The following HMOX1 variants were observed in gnomAD, a reference collection of about 807,000 sequenced individuals.
HMOX1 encodes heme oxygenase 1.
A neutral mutation model predicts 27.8 loss-of-function variants in HMOX1; 22 were observed. The observed-to-expected ratio is 0.79, with a 90% CI of 0.57 to 1.13. HMOX1 has a LOEUF of 1.13. HMOX1 is among the 50% of genes most tolerant of loss of function. The pLI is 0.00. For synonymous variants in HMOX1, 153 were observed against 151.6 expected (o/e 1.01, Z -0.07); for missense variants, 379 against 377.7 (o/e 1.00, Z -0.03).
intron 2 of HMOX1, among the ~76,000 whole-genome samples, chr22:35,384,696 A>G (rs1931464854): frequency 1.3e-5 from 2 of 150,562 alleles, no homozygotes; most frequent in Non-Finnish European, 3.0e-5. Flanking sequence ...TTCTCATGTG[A>G]GCGCTAAGTG....
Position 35,386,740 on chromosome 22 carries a change from G to A in HMOX1, c.200G>A (p.Arg67His), listed in dbSNP as rs753863879. ...GTGGCCCTGGAGGAGGAGATTGAGC[G>A]CAACAAGGAGAGCCCAGTCTTCGCC... ...IYVALEEEIE[R>H]NKESPVFAPV... Residue 67 changes from arginine to histidine, a missense_variant, in exon 3 of 5, where the codon CGC becomes CAC. Arg to His is a conservative substitution (Grantham distance 29). Coordinates refer to ENST00000216117, the MANE Select transcript of HMOX1 (RefSeq NM_002133.3). 1.1e-5 allele frequency: 18 copies of A among 1,614,166 alleles called. No individual in the cohort carries two copies. Among genetic ancestry groups the A allele is most frequent in the Middle Eastern group, 1.6e-4 (1 of 6,062 alleles).
At position 35,387,051 on chromosome 22, in the gene HMOX1, A is replaced by G. The variant is rs752149044; in HGVS notation, c.511A>G (p.Asn171Asp). 6.2e-7 allele frequency: 1 copy of G among 1,613,638 alleles called. No homozygotes were observed. Among genetic ancestry groups the G allele is most frequent in the East Asian group, 2.2e-5 (1 of 44,886 alleles). ...GGGCCTGGCCTTCTTCACCTTCCCC[A>G]ACATTGCCAGTGCCACCAAGTTCAA... ...GEGLAFFTFP[N>D]IASATKFKQL... is the part of the protein sequence containing the mutation. Residue 171 changes from asparagine to aspartate, a missense_variant, in exon 3 of 5, where the codon AAC becomes GAC. Asn to Asp is a conservative substitution (Grantham distance 23). Coordinates refer to ENST00000216117, the MANE Select transcript of HMOX1 (RefSeq NM_002133.3).
chr22:35,393,042 G>C (rs1931761662), intron 4 of HMOX1, among the ~76,000 whole-genome samples: 1 of 152,116 alleles, frequency 6.6e-6, no homozygotes, highest in Non-Finnish European at 1.5e-5. Context: ...ACCAGGGATG[G>C]GACTGAACTT....
chr22:35,383,616 C>G (rs976162165), intron 2 of HMOX1, among the ~76,000 whole-genome samples: 3 of 152,196 alleles, frequency 2.0e-5, no homozygotes, highest in African/African-American at 7.2e-5. Context: ...TGAAATCAAC[C>G]AAGACCGATT....
intron 4 of HMOX1, among the ~76,000 whole-genome samples, chr22:35,391,539 G>A (rs1377469739): frequency 2.0e-5 from 3 of 149,052 alleles, no homozygotes; most frequent in Non-Finnish European, 4.4e-5. Context: ...CGCCCGCCTC[G>A]GCCTCCCAAA....
Position 35,383,128 on chromosome 22 carries a change from G to A in HMOX1, c.46G>A (p.Ala16Thr). The stretch of plus-strand genomic sequence containing the variant: ...CAGCATGCCCCAGGATTTGTCAGAG[G>A]CCCTGAAGGAGGCCACCAAGGAGGT... ...PDSMPQDLSE[A>T]LKEATKEVHT... The change falls in exon 2 of 5, where the codon GCC becomes ACC. Residue 16 changes from alanine to threonine, a missense_variant. By Grantham distance (58) the Ala-to-Thr change is moderately conservative. Transcript: ENST00000216117. 8 of 1,613,734 alleles carry A rather than the reference G, an allele frequency of 5.0e-6. No individual in the cohort carries two copies. The highest frequency in any genetic ancestry group is 6.8e-6 in the Non-Finnish European group (8 of 1,179,726).
In HMOX1 at chr22:35,393,716, C is replaced by G; in HGVS notation, c.*118C>G. 2 of 1,194,514 alleles carry G rather than the reference C, an allele frequency of 1.7e-6. No individual in the cohort carries two copies. Among genetic ancestry groups the G allele is most frequent in the Non-Finnish European group, 1.2e-6 (1 of 804,434 alleles). 74.0% of individuals were successfully genotyped at this position (1,194,514 alleles called of 1,614,324 possible). On this transcript the variant is annotated 3_prime_UTR_variant, in exon 5 of 5. Coordinates refer to ENST00000216117, the MANE Select transcript of HMOX1 (RefSeq NM_002133.3). ...TGGGCACTGAAGGCTTTCAGGGCCT[C>G]CAGCCCTCTCACTGTGTCCCTCTCT... is the stretch of plus-strand genomic sequence containing the variant.
Position 35,393,467 on chromosome 22 carries a change from G to C in HMOX1, c.737-1G>C, listed in dbSNP as rs756188683. On this transcript the variant is annotated splice_acceptor_variant, in intron 4 of 4. Transcript: ENST00000216117. LOFTEE classifies it high-confidence loss of function. ...TGACCTTGCCCCATTTTCTCTTTCA[G>C]ATTCTGCCCCCGTGGAGACTCCCAG... The C allele has an allele frequency of 4.3e-6, 7 of 1,614,010 alleles. No individual in the cohort carries two copies. The highest frequency in any genetic ancestry group is 8.5e-7 in the Non-Finnish European group (1 of 1,180,024).
chr22:35,393,647 C>T lies in HMOX1; in HGVS notation c.*49C>T. On this transcript the variant is annotated 3_prime_UTR_variant, in exon 5 of 5. Coordinates refer to ENST00000216117, the MANE Select transcript of HMOX1 (RefSeq NM_002133.3). ...GCCATGAACTTTGTCCGGTGGAAGG[C>T]CTTCTTTCTAGAGAGGGAATTCTCT... 1.2e-6 allele frequency: 2 copies of T among 1,612,024 alleles called. No individual in the cohort carries two copies. Among genetic ancestry groups the T allele is most frequent in the Non-Finnish European group, 1.7e-6 (2 of 1,178,292 alleles).
rs372077518 is a variant in HMOX1, at chr22:35,391,585, C to CATTTTTTTTTTTTTTTTT, written c.736+1622_736+1623insATTTTTTTTTTTTTTTTT. Among the ~76,000 whole-genome samples the CATTTTTTTTTTTTTTTTT allele has an allele frequency of 2.7e-5, 3 of 112,464 alleles. 1 individual carries two copies. The highest frequency in any genetic ancestry group is 8.5e-5 in the African/African-American group (2 of 23,446). The allele number at this position is 112,464 out of a possible 152,430, so 73.8% of individuals were successfully genotyped here. ...TACAGGTGTGAGCCACCGCGCCCGG[C>CATTTTTTTTTTTTTTTTT]CTTTTTTTTTTTTTTTTTTTTTTTT... is the stretch of plus-strand genomic sequence containing the variant. On this transcript the variant is annotated intron_variant, in intron 4 of 4. Transcript: ENST00000216117.
chr22:35,392,249 A>G lies in HMOX1; in HGVS notation c.737-1219A>G, dbSNP rs1327709380. On this transcript the variant is annotated intron_variant, in intron 4 of 4. Transcript: ENST00000216117. ...AAAAAAAAAAAAAAGAAAGAAAAGA[A>G]AAGAAAAAGAATTTCTCAGTTTTAA... 3.3e-5 allele frequency among the ~76,000 whole-genome samples: 5 copies of G among 152,014 alleles called. No homozygotes were observed. The East Asian group carries it at 9.6e-4, about 29-fold the overall frequency.
intron 1 of HMOX1, among the ~76,000 whole-genome samples, chr22:35,381,753 C>T (rs919702987): frequency 2.0e-5 from 3 of 151,838 alleles, no homozygotes; most frequent in African/African-American, 7.3e-5. Context: ...TCATTCCCTT[C>T]TTTCAATAAT....
rs140840407 is a variant in HMOX1 at position 35,389,989 on chromosome 22, TC to T, written c.736+28del. 324 of 1,479,912 alleles carry T rather than the reference TC, an allele frequency of 2.2e-4. 7 individuals are homozygous for T. The East Asian group carries it at 4.6e-3, about 21-fold the overall frequency. 91.7% of individuals were successfully genotyped at this position (1,479,912 alleles called of 1,614,324 possible). A position where few individuals can be genotyped will look rare whatever the true frequency, so the allele number is the denominator to read the frequency against. ...GTGAGAGCATCCAGGAAGGGGCACT[TC>T]CTCTGGGCTACACATGGAGGGACTT... is the stretch of plus-strand genomic sequence containing the variant. On this transcript the variant is annotated intron_variant, in intron 4 of 4. Coordinates refer to ENST00000216117, the MANE Select transcript of HMOX1 (RefSeq NM_002133.3).
chr22:35,381,333 C>A, intron 1 of HMOX1, 137 bp downstream of exon 1: 2 of 1,030,732 alleles, frequency 1.9e-6, no homozygotes, highest in Non-Finnish European at 2.9e-6. Flanking sequence ...TCAGGAGGTG[C>A]GGGGTTCTGA....
chr22:35,383,261 G>T lies in HMOX1; in HGVS notation c.144+35G>T, dbSNP rs183923652. The T allele has an allele frequency of 4.2e-4, 675 of 1,608,568 alleles. 9 individuals carry two copies. In the East Asian group the frequency reaches 0.012, roughly 28 times the overall value. ...TTGGTGGGACTAGCCCTGGTGGAGG[G>T]TGTGGCAGGTGTGGGTGGACCCAAG... On this transcript the variant is annotated intron_variant, in intron 2 of 4. Coordinates refer to ENST00000216117, the MANE Select transcript of HMOX1 (RefSeq NM_002133.3).
rs776767515 is a variant in HMOX1 at position 35,387,153 on chromosome 22, A to ACTG, written c.615_617dup (p.Ala206dup). 3 of 1,613,546 alleles carry ACTG rather than the reference A, an allele frequency of 1.9e-6. No homozygotes were observed. Among genetic ancestry groups the ACTG allele is most frequent in the Non-Finnish European group, 2.5e-6 (3 of 1,180,034 alleles). ...GCAGAGGGTGATAGAAGAGGCCAAG[A>ACTG]CTGCGTTCCTGCTCAACATCCAGGT... On this transcript the variant is annotated inframe_insertion, in exon 3 of 5. Transcript: ENST00000216117.
chr22:35,384,832 A>G (rs1931467515), intron 2 of HMOX1, among the ~76,000 whole-genome samples: 1 of 150,434 alleles, frequency 6.6e-6, no homozygotes, highest in Non-Finnish European at 1.5e-5. Flanking sequence ...ACCTCAGATC[A>G]TCTGCTCTAG....
chr22:35,393,394 T>G (rs2145773295), intron 4 of HMOX1, 74 bp from the exon 5 acceptor site: 1 of 1,600,842 alleles, frequency 6.2e-7, no homozygotes, highest in East Asian at 2.2e-5. Flanking sequence ...GCCGCTCTGC[T>G]TTGCTTTCCT....
chr22:35,389,387 CCTTCCTTCCTTTCTTTCTTTCTTT>C (rs1931635931), intron 3 of HMOX1, among the ~76,000 whole-genome samples: 2 of 51,196 alleles, frequency 3.9e-5, no homozygotes, highest in African/African-American at 1.4e-4. Flanking sequence ...TTCCTTCCTT[CCTTCCTTCCTTTCTTTCTTTCTTT>C]CTTTCTTTCT....
Sources: gnomAD v4.1 joint callset for allele counts (sites outside exome capture counted in the v4.1 genomes callset) on GRCh38, gnomAD v4.1.1 for gene constraint, MANE v1.5 for transcripts, NCBI Gene and HGNC (gene_info 2026-07-23, HGNC 2026-07-21) for gene names.